The following DDX6 variants were observed in gnomAD, a reference collection of about 807,000 sequenced individuals.
DDX6 encodes the protein DEAD-box helicase 6.
DDX6 carries 7 observed loss-of-function variants against 60.6 expected under a neutral mutation model. The ratio of observed to expected loss-of-function variants is 0.12; its 90% CI spans 0.07 to 0.22. The LOEUF is 0.22. Among genes scored for constraint, DDX6 ranks in the 10% least tolerant of loss-of-function variants. The pLI is 1.00. For synonymous variants in DDX6, 207 were observed against 201.0 expected, an observed-to-expected ratio of 1.03 and a Z score of -0.25; for missense variants, 270 against 589.9, an observed-to-expected ratio of 0.46 and a Z score of 5.62.
chr11:118,757,599 T>TA (rs1302648907), intron 9 of DDX6, among the ~76,000 whole-genome samples: 10 of 152,046 alleles, frequency 6.6e-5, no homozygotes, highest in African/African-American at 1.2e-4. Flanking sequence ...TATTTTATTT[T>TA]TTTTTTGTGA....
At chr11:118,772,651 G>A (rs1861572731) in intron 4 of DDX6, among the ~76,000 whole-genome samples, 1 of 152,020 alleles carries the variant, frequency 6.6e-6, no homozygotes, top group Non-Finnish European at 1.5e-5. Flanking sequence ...TCTCAATAAA[G>A]CTATTACCCC....
At chr11:118,771,212 C>T (rs191897225) in intron 4 of DDX6, among the ~76,000 whole-genome samples, 1 of 152,274 alleles carries the variant, frequency 6.6e-6, no homozygotes, top group African/African-American at 2.4e-5. Flanking sequence ...GGTCTCATAA[C>T]GACTTGCTGG....
At chr11:118,779,345 G>C (rs1861811121) in intron 4 of DDX6, among the ~76,000 whole-genome samples, 2 of 152,110 alleles carry the variant, frequency 1.3e-5, no homozygotes, top group Admixed American at 1.3e-4. Flanking sequence ...GGACATGTTT[G>C]GGTCCATTAA....
intron 4 of DDX6, among the ~76,000 whole-genome samples, chr11:118,778,060 T>G (rs1214841060): frequency 6.6e-6 from 1 of 151,456 alleles, no homozygotes; most frequent in Non-Finnish European, 1.5e-5. Flanking sequence ...ATGGTGAGTA[T>G]AAGTCCATAC....
intron 11 of DDX6, among the ~76,000 whole-genome samples, chr11:118,755,934 C>T (rs1860952627): frequency 6.6e-6 from 1 of 151,190 alleles, no homozygotes; most frequent in Admixed American, 6.6e-5. Flanking sequence ...AGGAGAATCA[C>T]TTGAACCCAG....
intron 7 of DDX6, 41 bp from the exon 8 acceptor site, chr11:118,760,085 A>T: frequency 2.5e-6 from 4 of 1,590,002 alleles, no homozygotes; most frequent in Non-Finnish European, 2.6e-6. Flanking sequence ...ACAATAAAAT[A>T]ATGTCTAAGG....
intron 7 of DDX6, among the ~76,000 whole-genome samples, chr11:118,760,511 T>G (rs1041462901): frequency 2.6e-5 from 4 of 152,038 alleles, no homozygotes; most frequent in African/African-American, 9.7e-5. Flanking sequence ...AAAGAGGTAG[T>G]ATGGTGTAGT....
At chr11:118,773,226 G>A (rs1246256224) in intron 4 of DDX6, among the ~76,000 whole-genome samples, 1 of 152,112 alleles carries the variant, frequency 6.6e-6, no homozygotes, top group African/African-American at 2.4e-5. Context: ...CATTTACACT[G>A]ACTGCTTCCT....
intron 13 of DDX6, among the ~76,000 whole-genome samples, chr11:118,752,517 A>C (rs1003966175): frequency 6.6e-5 from 10 of 152,192 alleles, no homozygotes; most frequent in African/African-American, 2.2e-4. Context: ...TCCTGCCAGT[A>C]ATCTCAGCAC....
intron 2 of DDX6, 75 bp from the exon 3 acceptor site, chr11:118,781,259 T>G: frequency 2.2e-6 from 2 of 929,062 alleles, no homozygotes; most frequent in Non-Finnish European, 3.3e-6. Context: ...TCAATTATAA[T>G]TAAGTGTTAA....
intron 7 of DDX6, among the ~76,000 whole-genome samples, chr11:118,762,298 AT>A (rs1555160405): frequency 9.5e-5 from 14 of 148,016 alleles, no homozygotes; most frequent in South Asian, 2.1e-4. Flanking sequence ...AATAATAATA[AT>A]AATAAACCTC....
chr11:118,775,689 C>A (rs1434268251), intron 4 of DDX6, among the ~76,000 whole-genome samples: 8 of 152,158 alleles, frequency 5.3e-5, no homozygotes, highest in Non-Finnish European at 7.4e-5. Context: ...CTTATTTCTA[C>A]TTTACAGAAA....
chr11:118,754,977 A>G, intron 12 of DDX6, 90 bp from the exon 13 acceptor site: 2 of 1,106,900 alleles, frequency 1.8e-6, no homozygotes, highest in Non-Finnish European at 2.5e-6. Flanking sequence ...ACCACACAGG[A>G]TTGATAATGA....
chr11:118,749,562 G>T lies in DDX6; in HGVS notation c.*2543C>A, dbSNP rs1482921052. 1 of 152,532 alleles carries T rather than the reference G, an allele frequency of 6.6e-6. No individual in the cohort carries two copies. Among genetic ancestry groups the T allele is most frequent in the African/African-American group, 2.4e-5 (1 of 41,410 alleles). 9.4% of individuals were successfully genotyped at this position (152,532 alleles called of 1,614,324 possible). A position where few individuals can be genotyped will look rare whatever the true frequency, so the allele number is the denominator to read the frequency against. ...CAGTAATACTTTCCATTTTAAGTCT[G>T]TGCTTTAAGAGGGACCCACAGGCAT... On this transcript the variant is annotated 3_prime_UTR_variant, in exon 14 of 14. Transcript: ENST00000534980.
intron 3 of DDX6, among the ~76,000 whole-genome samples, chr11:118,780,334 G>T (rs1183622307): frequency 6.6e-6 from 1 of 151,424 alleles, no homozygotes; most frequent in African/African-American, 2.4e-5. Flanking sequence ...TTTTTTCTTC[G>T]AGAGATGGAG....
At chr11:118,763,151 C>T in intron 7 of DDX6, 61 bp downstream of exon 7, 1 of 1,109,224 alleles carries the variant, frequency 9.0e-7, no homozygotes, top group South Asian at 1.6e-5. Flanking sequence ...CATTCACTGG[C>T]AGTTATAAGC....
intron 4 of DDX6, among the ~76,000 whole-genome samples, chr11:118,773,959 G>T (rs1227541277): frequency 6.6e-6 from 1 of 151,874 alleles, no homozygotes; most frequent in Non-Finnish European, 1.5e-5. Flanking sequence ...CAGGAAGAAT[G>T]ACTTATTTAC....
intron 2 of DDX6, among the ~76,000 whole-genome samples, chr11:118,784,032 G>C (rs149293173): frequency 0.028 from 3,961 of 143,322 alleles, 186 homozygotes; most frequent in African/African-American, 0.098. Flanking sequence ...AGGCTGCAGT[G>C]AGCCATGATC....
chr11:118,785,412 C>A (rs191239231), intron 2 of DDX6, among the ~76,000 whole-genome samples: 1 of 151,618 alleles, frequency 6.6e-6, no homozygotes, highest in South Asian at 2.1e-4. Flanking sequence ...ATTATGTTGC[C>A]TAGGCTGGTC....
Sources: allele counts gnomAD v4.1 joint callset (sites outside exome capture counted in the v4.1 genomes callset), GRCh38; gene constraint gnomAD v4.1.1; transcripts MANE v1.5; gene names NCBI Gene and HGNC (gene_info 2026-07-23, HGNC 2026-07-21).